The following IP6K2 variants were observed in gnomAD, a reference collection of about 807,000 sequenced individuals.
IP6K2 encodes inositol hexakisphosphate kinase 2.
IP6K2 carries 9 observed loss-of-function variants against 43.3 expected under a neutral mutation model. The ratio of observed to expected loss-of-function variants is 0.21; its 90% CI spans 0.13 to 0.36. The LOEUF (loss-of-function observed/expected upper bound fraction) is 0.36, where lower values mean the gene tolerates loss of function less well. IP6K2 is among the 10% of genes least tolerant of loss of function. The pLI is 1.00. For missense variants in IP6K2, 332 were observed against 538.4 expected (o/e 0.62, Z 3.79); for synonymous variants, 209 against 202.4 (o/e 1.03, Z -0.28).
intron 1 of IP6K2, 116 bp downstream of exon 1, chr3:48,717,041 A>G (rs960312618): frequency 3.9e-5 from 6 of 154,572 alleles, no homozygotes. Flanking sequence ...CCACGGAAGA[A>G]GTCTTTCCCA....
Position 48,688,164 on chromosome 3 carries a change from G to C in IP6K2, c.*109C>G. ...GGCTCACAGAGGCCACTGCACATCAGCTCCAGGCTGCAGGAGCCACCACCT... is the reference window on the plus strand; with the variant it reads ...GGCTCACAGAGGCCACTGCACATCACCTCCAGGCTGCAGGAGCCACCACCT... On this transcript the variant is annotated 3_prime_UTR_variant, in exon 6 of 6. Transcript: ENST00000328631. The surrounding 1 kb of genome is among the most constrained non-coding windows in gnomAD (Gnocchi z 5.1). 1 of 1,252,946 alleles carries C rather than the reference G, an allele frequency of 8.0e-7. No homozygotes were observed. Among genetic ancestry groups the C allele is most frequent in the Non-Finnish European group, 1.1e-6 (1 of 877,262 alleles). The allele number at this position is 1,252,946 out of a possible 1,614,324, so 77.6% of individuals were successfully genotyped here. A position where few individuals can be genotyped will look rare whatever the true frequency, so the allele number is the denominator to read the frequency against.
intron 1 of IP6K2, among the ~76,000 whole-genome samples, chr3:48,700,552 A>C (rs951448715): frequency 6.6e-6 from 1 of 152,202 alleles, no homozygotes; most frequent in Non-Finnish European, 1.5e-5. Flanking sequence ...ACAGGTAAGA[A>C]ACACAGAACA....
At chr3:48,710,710 C>T (rs2080394502) in intron 1 of IP6K2, among the ~76,000 whole-genome samples, 1 of 152,038 alleles carries the variant, frequency 6.6e-6, no homozygotes, top group South Asian at 2.1e-4. Flanking sequence ...CCCGGGTTCA[C>T]GCCATTCTCT....
intron 2 of IP6K2, 78 bp from the exon 3 acceptor site, chr3:48,693,257 G>C (rs1251453870): frequency 7.4e-7 from 1 of 1,349,944 alleles, no homozygotes; most frequent in Non-Finnish European, 1.1e-6. Flanking sequence ...TGTAACATTT[G>C]TTTTTTTCTT....
intron 2 of IP6K2, chr3:48,694,318 A>G (rs2078069759): frequency 2.6e-6 from 4 of 1,549,760 alleles, no homozygotes; most frequent in Admixed American, 3.9e-5. Context: ...ATGCATATTC[A>G]GAGTACAGAG....
At chr3:48,692,736 T>TGCAA (rs1159556346) in intron 3 of IP6K2, among the ~76,000 whole-genome samples, 1 of 152,238 alleles carries the variant, frequency 6.6e-6, no homozygotes, top group Non-Finnish European at 1.5e-5. Context: ...GTGAATCTCT[T>TGCAA]ACAGCTGCCA....
chr3:48,707,484 G>C (rs1169966380), intron 1 of IP6K2, among the ~76,000 whole-genome samples: 1 of 152,188 alleles, frequency 6.6e-6, no homozygotes, highest in Non-Finnish European at 1.5e-5. Context: ...GCCCAGGCTG[G>C]AGTGCAATGG....
chr3:48,691,780 G>A (rs1458705389), intron 3 of IP6K2, among the ~76,000 whole-genome samples: 2 of 151,850 alleles, frequency 1.3e-5, no homozygotes, highest in Non-Finnish European at 2.9e-5. Flanking sequence ...CAGAGCCTGG[G>A]CAACAGAACA....
At position 48,688,830 on chromosome 3, in the gene IP6K2, C is replaced by T. The variant is rs576273049; in HGVS notation, c.781-57G>A. On this transcript the variant is annotated intron_variant, in intron 5 of 5. Coordinates refer to ENST00000328631, the MANE Select transcript of IP6K2 (RefSeq NM_016291.4). This position sits in a 1 kb window ranked among gnomAD's most constrained non-coding sequence, Gnocchi z 5.1. The stretch of plus-strand genomic sequence containing the variant: ...GAGGGCCATCTCAAACCCTGGACCC[C>T]GGGCGGGGGTGGGGTGGTGTGGTGG... 29 of 1,539,274 alleles carry T rather than the reference C, an allele frequency of 1.9e-5. No individual in the cohort carries two copies. The highest frequency in any genetic ancestry group is 1.9e-4 in the Middle Eastern group (1 of 5,402).
In IP6K2 at chr3:48,695,267, C is replaced by T; in HGVS notation, c.25G>A (p.Asp9Asn). 6.3e-7 allele frequency: 1 copy of T among 1,593,884 alleles called. No homozygotes were observed. The highest frequency in any genetic ancestry group is 8.6e-7 in the Non-Finnish European group (1 of 1,166,360). ...ACGCCTTTGGCGCGGGGCTCCACATCCATGGCCCTGAAGGCTGGGCTCATC... is the reference window on the plus strand; with the variant it reads ...ACGCCTTTGGCGCGGGGCTCCACATTCATGGCCCTGAAGGCTGGGCTCATC... The part of the protein sequence containing the change: MSPAFRAM[D>N]VEPRAKGVLL... The change falls in exon 2 of 6, where the codon GAT becomes AAT. Residue 9 changes from aspartate to asparagine, a missense_variant. Physicochemically the swap from Asp to Asn is conservative, Grantham distance 23. Transcript: ENST00000328631. The surrounding 1 kb of genome is among the most constrained non-coding windows in gnomAD (Gnocchi z 4.6).
intron 1 of IP6K2, among the ~76,000 whole-genome samples, chr3:48,697,971 T>C (rs1039026557): frequency 2.6e-5 from 4 of 152,208 alleles, no homozygotes; most frequent in Non-Finnish European, 5.9e-5. Context: ...AGTTTTCCCA[T>C]ATGCAAAGAG....
At chr3:48,702,886 A>G (rs1034712770) in intron 1 of IP6K2, among the ~76,000 whole-genome samples, 2 of 152,186 alleles carry the variant, frequency 1.3e-5, no homozygotes, top group Non-Finnish European at 2.9e-5. Context: ...TGTGCCTCAA[A>G]TCACTACTGT....
intron 2 of IP6K2, chr3:48,694,466 A>C: frequency 6.5e-7 from 1 of 1,549,284 alleles, no homozygotes; most frequent in Non-Finnish European, 8.7e-7. Context: ...TACTTGATTT[A>C]CAAAAGACTC....
chr3:48,706,522 T>C (rs2079800994), intron 1 of IP6K2, among the ~76,000 whole-genome samples: 2 of 152,178 alleles, frequency 1.3e-5, no homozygotes, highest in African/African-American at 4.8e-5. Flanking sequence ...CCTTCTGTTC[T>C]CTCTACAGAC....
intron 1 of IP6K2, among the ~76,000 whole-genome samples, chr3:48,702,661 G>GTGT (rs1000893090): frequency 7.2e-5 from 11 of 152,060 alleles, no homozygotes; most frequent in African/African-American, 2.7e-4. Flanking sequence ...CTAAAAGTGA[G>GTGT]TGCCACTCCC....
chr3:48,710,526 T>C (rs2080361047), intron 1 of IP6K2, among the ~76,000 whole-genome samples: 1 of 152,260 alleles, frequency 6.6e-6, no homozygotes, highest in Admixed American at 6.5e-5. Context: ...AAACGGTCTT[T>C]GAGCGTGAGA....
chr3:48,705,635 A>G (rs992055247), intron 1 of IP6K2, among the ~76,000 whole-genome samples: 3 of 151,516 alleles, frequency 2.0e-5, no homozygotes, highest in Admixed American at 6.6e-5. Flanking sequence ...CCTGGATGAC[A>G]GAGCAGGACA....
rs757538475 is a variant in IP6K2, at chr3:48,688,549, A to G, written c.1005T>C (p.Tyr335=). The G allele has an allele frequency of 1.2e-6, 2 of 1,614,216 alleles. No individual in the cohort carries two copies. Among genetic ancestry groups the G allele is most frequent in the Non-Finnish European group, 1.7e-6 (2 of 1,180,034 alleles). The part of the protein sequence containing the change: ...RFYSSSLLVI[Y]DGKERPEVVL... ...CCACTTCGGGCCGCTCCTTGCCATC[A>G]TAAATGACCAGCAGGGAGCTTGAGT... The change falls in exon 6 of 6, where the codon TAT becomes TAC. Residue 335 remains tyrosine (Y), a synonymous_variant. Transcript: ENST00000328631. This position sits in a 1 kb window ranked among gnomAD's most constrained non-coding sequence, Gnocchi z 5.1.
chr3:48,690,110 C>T (rs982520403), intron 4 of IP6K2, among the ~76,000 whole-genome samples: 1 of 152,200 alleles, frequency 6.6e-6, no homozygotes, highest in Non-Finnish European at 1.5e-5. Context: ...TCAGTATAAA[C>T]TCATGAAAAT....
Sources: allele counts gnomAD v4.1 joint callset (sites outside exome capture counted in the v4.1 genomes callset), GRCh38; gene constraint gnomAD v4.1.1; non-coding constraint Gnocchi (gnomAD v3.1); transcripts MANE v1.5; gene names NCBI Gene and HGNC (gene_info 2026-07-23, HGNC 2026-07-21).